NSD1: variants seen among roughly 807,000 people sequenced by gnomAD.
NSD1 encodes nuclear receptor binding SET domain protein 1, also known as histone-lysine N-methyltransferase, H3 lysine-36 specific.
In NSD1, 26 loss-of-function variants were observed where a neutral mutation model predicts 242.7. The observed-to-expected ratio is 0.11, with a 90% CI of 0.08 to 0.15. The LOEUF (loss-of-function observed/expected upper bound fraction) is 0.15. Among genes scored for constraint, NSD1 ranks in the 10% least tolerant of loss-of-function variants. The probability of loss-of-function intolerance (pLI) is 1.00; values close to 1 mark genes in which losing one functional copy is unlikely to be tolerated. For missense variants in NSD1, 2,495 were observed against 3,272.8 expected, an observed-to-expected ratio of 0.76 and a Z score of 5.80; for synonymous variants, 1,106 against 1,178.1, an observed-to-expected ratio of 0.94 and a Z score of 1.25.
chr5:177,287,270 AT>A (rs1479774616), intron 20 of NSD1, among the ~76,000 whole-genome samples: 7 of 152,264 alleles, frequency 4.6e-5, no homozygotes, highest in African/African-American at 1.7e-4. Context: ...TTATTTGTGT[AT>A]AAGGTACAGT....
At chr5:177,182,723 C>A (rs1476511168) in intron 2 of NSD1, among the ~76,000 whole-genome samples, 1 of 152,136 alleles carries the variant, frequency 6.6e-6, no homozygotes, top group Admixed American at 6.6e-5. Context: ...TGTAACCTTC[C>A]ATCTCCCGGG....
chr5:177,133,467 C>G (rs1313943515), upstream of NSD1: 2 of 151,760 alleles, frequency 1.3e-5, no homozygotes, highest in East Asian at 3.9e-4. This position sits in a 1 kb window ranked among gnomAD's most constrained non-coding sequence, Gnocchi z 6.2. Context: ...AGGAGGCGCG[C>G]GAGGCCCCTG....
Position 177,294,346 on chromosome 5 carries a change from A to T in NSD1, c.6978A>T (p.Arg2326Ser). The T allele has an allele frequency of 6.2e-7, 1 of 1,614,110 alleles. No individual in the cohort carries two copies. Among genetic ancestry groups the T allele is most frequent in the Non-Finnish European group, 8.5e-7 (1 of 1,180,014 alleles). ...LDRPPAVAGP[R>S]PQLSDKPSPV... ...GGCCACCAGCAGTGGCAGGACCAAG[A>T]CCCCAGCTAAGCGACAAACCCTCTC... Residue 2326 changes from arginine (R) to serine (S), a missense_variant, in exon 23 of 23, where the codon AGA becomes AGT. Physicochemically the swap from Arg to Ser is moderately radical, Grantham distance 110. Around this residue, in one of 19 missense-constraint regions of NSD1, gnomAD observed 475 missense variants for 563.7 expected, o/e 0.84. Transcript: ENST00000439151.
At chr5:177,197,234 C>T (rs925411645) in intron 3 of NSD1, among the ~76,000 whole-genome samples, 1 of 151,758 alleles carries the variant, frequency 6.6e-6, no homozygotes, top group Non-Finnish European at 1.5e-5. Context: ...CATACCACTG[C>T]TCTCCAGCCT....
intron 5 of NSD1, among the ~76,000 whole-genome samples, chr5:177,214,438 C>T (rs1763607346): frequency 6.6e-6 from 1 of 152,144 alleles, no homozygotes; most frequent in Non-Finnish European, 1.5e-5. Context: ...AGGACATTTT[C>T]GTTTTGCTTG....
chr5:177,135,264 G>C lies in NSD1; in HGVS notation c.161G>C (p.Ser54Thr), dbSNP rs748405383. 1 of 1,613,804 alleles carries C rather than the reference G, an allele frequency of 6.2e-7. No individual in the cohort carries two copies. Among genetic ancestry groups the C allele is most frequent in the South Asian group, 1.1e-5 (1 of 91,084 alleles). The change falls in exon 2 of 23, where the codon AGT becomes ACT. Residue 54 changes from serine to threonine, a missense_variant. Ser to Thr is a moderately conservative substitution (Grantham distance 58). This residue lies in a region of NSD1 where 376 missense variants were observed against 367.4 expected (regional missense o/e 1.02). Coordinates refer to ENST00000439151, the MANE Select transcript of NSD1 (RefSeq NM_022455.5). ...NGCTMQLSTVSGTSQNAYGQD... is the reference protein window; with the variant it reads ...NGCTMQLSTVTGTSQNAYGQD... ...TGTACTATGCAGTTATCGACTGTCAGTGGAACATCCCAAAATGCTTATGGA... is the reference window on the plus strand; with the variant it reads ...TGTACTATGCAGTTATCGACTGTCACTGGAACATCCCAAAATGCTTATGGA...
rs182127278 is a variant in NSD1, at chr5:177,206,790, C to T, written c.1236+2498C>T. Among the ~76,000 whole-genome samples the T allele has an allele frequency of 9.4e-3, 1,419 of 151,572 alleles. 15 individuals carry two copies. Among genetic ancestry groups the T allele is most frequent in the Non-Finnish European group, 0.016 (1,091 of 67,922 alleles). ...TTTTAGAGGTGTTTATTGGGGCTTT[C>T]AGATTCTGGAAAATTGATTTACTCT... On this transcript the variant is annotated intron_variant, in intron 4 of 22. Transcript: ENST00000439151.
chr5:177,156,224 A>C (rs1467841972), intron 2 of NSD1, among the ~76,000 whole-genome samples: 1 of 115,726 alleles, frequency 8.6e-6, no homozygotes, highest in Non-Finnish European at 1.6e-5. Context: ...CTCTGTCTCC[A>C]GGCTGGAGTG....
chr5:177,223,764 C>T (rs1435001847), intron 5 of NSD1, among the ~76,000 whole-genome samples: 1 of 152,076 alleles, frequency 6.6e-6, no homozygotes, highest in Admixed American at 6.6e-5. Flanking sequence ...GGGTGGATCA[C>T]CTGAGATCAG....
intron 12 of NSD1, among the ~76,000 whole-genome samples, chr5:177,256,043 ACTT>A (rs1246536790): frequency 6.6e-6 from 1 of 151,910 alleles, no homozygotes; most frequent in Non-Finnish European, 1.5e-5. Context: ...ATATGTAATA[ACTT>A]CTTTGTGTCA....
chr5:177,257,122 C>T lies in NSD1; in HGVS notation c.4937C>T (p.Ala1646Val). Residue 1646 changes from alanine (A) to valine (V), a missense_variant, in exon 13 of 23, where the codon GCT (alanine) becomes GTT (valine). By Grantham distance (64) the Ala-to-Val change is moderately conservative. Transcript: ENST00000439151. Reference sequence around the variant, plus strand: ...CACATCTGTATAACCTGTCATGCTGCTAATCCAGCCAATGTTTCTGCATCT... The same window carrying T: ...CACATCTGTATAACCTGTCATGCTGTTAATCCAGCCAATGTTTCTGCATCT... The part of the protein sequence containing the change: ...SLHICITCHA[A>V]NPANVSASKG... 1 of 1,613,934 alleles carries T rather than the reference C, an allele frequency of 6.2e-7. No homozygotes were observed. Among genetic ancestry groups the T allele is most frequent in the Non-Finnish European group, 8.5e-7 (1 of 1,179,984 alleles).
chr5:177,240,094 T>A (rs1327220161), intron 8 of NSD1, among the ~76,000 whole-genome samples: 2 of 152,180 alleles, frequency 1.3e-5, no homozygotes, highest in South Asian at 2.1e-4. Context: ...GTGAAAAAAA[T>A]TTTTAAATGC....
At chr5:177,232,488 A>G (rs1470531340) in intron 5 of NSD1, among the ~76,000 whole-genome samples, 2 of 152,218 alleles carry the variant, frequency 1.3e-5, no homozygotes, top group Non-Finnish European at 2.9e-5. Context: ...CAGTCAGAAC[A>G]CAGGAACACA....
intron 17 of NSD1, among the ~76,000 whole-genome samples, chr5:177,276,178 A>G (rs1272631947): frequency 6.7e-6 from 1 of 149,536 alleles, no homozygotes; most frequent in Non-Finnish European, 1.5e-5. Context: ...CAATCCACCC[A>G]CCTCAACCTC....
intron 20 of NSD1, among the ~76,000 whole-genome samples, chr5:177,287,976 T>C (rs1246868480): frequency 6.6e-6 from 1 of 152,248 alleles, no homozygotes; most frequent in Non-Finnish European, 1.5e-5. Flanking sequence ...TTCCTAAGAA[T>C]TGACAGTTTT....
chr5:177,274,861 G>A (rs1456314754), intron 17 of NSD1, among the ~76,000 whole-genome samples: 2 of 151,944 alleles, frequency 1.3e-5, no homozygotes, highest in Non-Finnish European at 1.5e-5. Context: ...AGCCTCCCGA[G>A]TAGCTGGGAT....
chr5:177,157,845 TAC>T (rs1384025934), intron 2 of NSD1, among the ~76,000 whole-genome samples: 1 of 152,250 alleles, frequency 6.6e-6, no homozygotes, highest in Non-Finnish European at 1.5e-5. Flanking sequence ...TTCATACAAA[TAC>T]AGTCATATAA....
chr5:177,280,499 T>A (rs1354489364), intron 17 of NSD1, 66 bp from the exon 18 acceptor site: 5 of 1,608,886 alleles, frequency 3.1e-6, no homozygotes, highest in Non-Finnish European at 4.3e-6. Context: ...AAGTTTGCCT[T>A]TTTCAGGACG....
At chr5:177,185,893 TTATA>T (rs1282302482) in intron 2 of NSD1, among the ~76,000 whole-genome samples, 1 of 86,406 alleles carries the variant, frequency 1.2e-5, no homozygotes, top group African/African-American at 5.3e-5. Context: ...TATAATATAT[TTATA>T]TATTTTATAT....
Sources: allele counts gnomAD v4.1 joint callset (sites outside exome capture counted in the v4.1 genomes callset), GRCh38; gene constraint gnomAD v4.1.1; regional missense constraint gnomAD v4.1.1; non-coding constraint Gnocchi (gnomAD v3.1); transcripts MANE v1.5; gene names NCBI Gene and HGNC (gene_info 2026-07-23, HGNC 2026-07-21).